The following UQCRC2 variants were observed in gnomAD, a reference collection of about 807,000 sequenced individuals.
The protein encoded by UQCRC2 is cytochrome b-c1 complex subunit 2, mitochondrial.
In UQCRC2, 49 loss-of-function variants were observed where a neutral mutation model predicts 55.6. The observed-to-expected ratio is 0.88, with a 90% CI of 0.70 to 1.12. The LOEUF is 1.12. Ranked by LOEUF, UQCRC2 falls within the 50% of genes most tolerant of loss-of-function variation. The probability of loss-of-function intolerance (pLI) is 0.00; values close to 1 mark genes in which losing one functional copy is unlikely to be tolerated. For missense variants in UQCRC2, 506 were observed against 547.8 expected, an observed-to-expected ratio of 0.92 and a Z score of 0.76; for synonymous variants, 193 against 192.0, an observed-to-expected ratio of 1.01 and a Z score of -0.04.
intron 12 of UQCRC2, among the ~76,000 whole-genome samples, chr16:21,977,507 A>G (rs1026385642): frequency 3.2e-4 from 48 of 152,198 alleles, no homozygotes; most frequent in African/African-American, 1.0e-3. Context: ...GTTTTGTTTT[A>G]TAAGAAAGAC....
At chr16:21,954,160 GCGA>G (rs1898055446) in intron 1 of UQCRC2, among the ~76,000 whole-genome samples, 1 of 152,174 alleles carries the variant, frequency 6.6e-6, no homozygotes, top group Non-Finnish European at 1.5e-5. Flanking sequence ...AAAAATCATA[GCGA>G]GGGACAGAAT....
chr16:21,974,926 G>A (rs757091621), intron 11 of UQCRC2, among the ~76,000 whole-genome samples: 1 of 152,180 alleles, frequency 6.6e-6, no homozygotes, highest in Non-Finnish European at 1.5e-5. Flanking sequence ...AGACGTGAGA[G>A]GAAAGTTTAA....
chr16:21,980,808 G>T, intron 13 of UQCRC2, 108 bp downstream of exon 13: 2 of 1,291,724 alleles, frequency 1.5e-6, no homozygotes, highest in Non-Finnish European at 2.1e-6. Flanking sequence ...TCTTATGTTT[G>T]GTGCTCATCT....
chr16:21,982,233 A>G (rs1296028225), intron 13 of UQCRC2, among the ~76,000 whole-genome samples: 1 of 152,056 alleles, frequency 6.6e-6, no homozygotes, highest in Non-Finnish European at 1.5e-5. Flanking sequence ...TCTCCTTCAT[A>G]GTAATAAGAT....
At chr16:21,954,556 G>C (rs991738560) in intron 1 of UQCRC2, among the ~76,000 whole-genome samples, 4 of 152,152 alleles carry the variant, frequency 2.6e-5, no homozygotes, top group Non-Finnish European at 4.4e-5. Flanking sequence ...AACAGAAAAA[G>C]CTCAGAGAAA....
chr16:21,972,473 T>A (rs1477478147), intron 10 of UQCRC2, among the ~76,000 whole-genome samples: 1 of 152,252 alleles, frequency 6.6e-6, no homozygotes. Context: ...CTTCTGTTCT[T>A]TTGGTTACTT....
intron 13 of UQCRC2, among the ~76,000 whole-genome samples, chr16:21,981,151 C>A (rs954331045): frequency 2.6e-5 from 4 of 152,138 alleles, no homozygotes; most frequent in African/African-American, 9.7e-5. Flanking sequence ...AATATTTCAC[C>A]ATCTAGCATC....
chr16:21,964,623 C>T (rs1260246517), intron 6 of UQCRC2, among the ~76,000 whole-genome samples: 2 of 152,144 alleles, frequency 1.3e-5, no homozygotes, highest in Non-Finnish European at 2.9e-5. Context: ...ATGATTTCCC[C>T]TGGGAAACAC....
Sources: gnomAD v4.1 joint callset for allele counts (sites outside exome capture counted in the v4.1 genomes callset) on GRCh38, gnomAD v4.1.1 for gene constraint, MANE v1.5 for transcripts, NCBI Gene and HGNC (gene_info 2026-07-23, HGNC 2026-07-21) for gene names.